Variants in LPP observed in about 807,000 individuals in gnomAD.
LPP encodes the protein lipoma-preferred partner.
In LPP, 38 loss-of-function variants were observed where a neutral mutation model predicts 60.4. That is an observed-to-expected ratio of 0.63 (90% CI 0.49 to 0.83). LPP has a LOEUF of 0.83. Ranked by LOEUF, LPP falls within the 40% of genes least tolerant of loss-of-function variation. The pLI is 0.00. For missense variants in LPP, 902 were observed against 783.6 expected (o/e 1.15, Z -1.80); for synonymous variants, 328 against 290.8 (o/e 1.13, Z -1.30).
At chr3:188,632,914 TTC>T (rs1421462474) in intron 7 of LPP, among the ~76,000 whole-genome samples, 1 of 152,116 alleles carries the variant, frequency 6.6e-6, no homozygotes, top group Non-Finnish European at 1.5e-5. Context: ...CTGGTGGCTC[TTC>T]TCTCTCTCAT....
chr3:188,569,390 G>A (rs565403786), intron 6 of LPP, among the ~76,000 whole-genome samples: 1 of 151,932 alleles, frequency 6.6e-6, no homozygotes, highest in African/African-American at 2.4e-5. Context: ...GCCCTGGATT[G>A]TGAATGAAAA....
intron 2 of LPP, among the ~76,000 whole-genome samples, chr3:188,289,901 G>C (rs74378591): frequency 0.07 from 10,695 of 152,140 alleles, 549 homozygotes; most frequent in Non-Finnish European, 0.11. Context: ...ATATCATAAT[G>C]AGAATAAATT....
intron 1 of LPP, among the ~76,000 whole-genome samples, chr3:188,222,919 A>T (rs919811504): frequency 6.6e-6 from 1 of 150,880 alleles, no homozygotes; most frequent in East Asian, 1.9e-4. Flanking sequence ...ATATTTTCTT[A>T]AAAAAAATAC....
chr3:188,360,605 T>C (rs760489305), intron 3 of LPP, among the ~76,000 whole-genome samples: 3 of 152,098 alleles, frequency 2.0e-5, no homozygotes, highest in Non-Finnish European at 2.9e-5. Flanking sequence ...GATCCTCCCA[T>C]TGAAGCCTTC....
chr3:188,766,000 A>G (rs113554904), intron 9 of LPP, among the ~76,000 whole-genome samples: 45,306 of 149,860 alleles, frequency 0.3, 7,236 homozygotes, highest in South Asian at 0.56. Flanking sequence ...CCTCCTGAGT[A>G]GCTGGGATTA....
intron 5 of LPP, among the ~76,000 whole-genome samples, chr3:188,485,447 T>C (rs1366911246): frequency 6.6e-6 from 1 of 152,080 alleles, no homozygotes; most frequent in African/African-American, 2.4e-5. Context: ...ATAGATACAT[T>C]GAAGAAAAAA....
At chr3:188,792,904 C>T (rs549368786) in intron 9 of LPP, among the ~76,000 whole-genome samples, 1 of 152,166 alleles carries the variant, frequency 6.6e-6, no homozygotes, top group East Asian at 1.9e-4. Flanking sequence ...AGTCTCCTCA[C>T]TGGTTTGCGT....
intron 3 of LPP, among the ~76,000 whole-genome samples, chr3:188,384,074 A>G (rs1246722169): frequency 6.6e-6 from 1 of 152,202 alleles, no homozygotes; most frequent in Non-Finnish European, 1.5e-5. Context: ...CAACATATTG[A>G]AAATGGTACT....
chr3:188,808,502 C>T (rs954896548), intron 9 of LPP, among the ~76,000 whole-genome samples: 1 of 152,008 alleles, frequency 6.6e-6, no homozygotes, highest in Non-Finnish European at 1.5e-5. Flanking sequence ...GCCCTAAGAG[C>T]CACAAGACTC....
At chr3:188,328,538 G>A (rs961993145) in intron 2 of LPP, among the ~76,000 whole-genome samples, 2 of 152,078 alleles carry the variant, frequency 1.3e-5, no homozygotes, top group African/African-American at 2.4e-5. Context: ...TCCTTGAAAC[G>A]ATAAGCTCTC....
chr3:188,640,233 T>C (rs968507451), intron 7 of LPP, among the ~76,000 whole-genome samples: 11 of 150,894 alleles, frequency 7.3e-5, no homozygotes, highest in African/African-American at 2.7e-4. Flanking sequence ...ATGGATGAAA[T>C]TGGAAATCAT....
At chr3:188,406,084 T>C in intron 3 of LPP, 28 bp from the exon 4 acceptor site, 1 of 1,589,386 alleles carries the variant, frequency 6.3e-7, no homozygotes, top group Non-Finnish European at 8.6e-7. Context: ...CATGCTTCCA[T>C]AAAAACAGTG....
At chr3:188,744,336 A>G (rs1475299779) in intron 8 of LPP, among the ~76,000 whole-genome samples, 1 of 152,126 alleles carries the variant, frequency 6.6e-6, no homozygotes, top group Non-Finnish European at 1.5e-5. Flanking sequence ...GCTGTTTCTT[A>G]CCTTTCATTT....
intron 9 of LPP, among the ~76,000 whole-genome samples, chr3:188,864,273 G>A (rs1766029354): frequency 6.6e-6 from 1 of 152,222 alleles, no homozygotes; most frequent in Non-Finnish European, 1.5e-5. Context: ...TTCATCTTGG[G>A]ATGGATTCCA....
At chr3:188,178,933 A>G (rs576593766) in intron 1 of LPP, 1 of 258,914 alleles carries the variant, frequency 3.9e-6, no homozygotes, top group South Asian at 3.9e-5. Flanking sequence ...CTCTGTGGAC[A>G]TGCAGGTATA....
At chr3:188,321,785 A>G (rs116739766) in intron 2 of LPP, among the ~76,000 whole-genome samples, 262 of 152,292 alleles carry the variant, frequency 1.7e-3, no homozygotes, top group Middle Eastern at 6.8e-3. Flanking sequence ...CACGTAGAAG[A>G]TGGTTAACTG....
intron 2 of LPP, among the ~76,000 whole-genome samples, chr3:188,309,792 G>C (rs1480131705): frequency 6.6e-6 from 1 of 152,168 alleles, no homozygotes; most frequent in Non-Finnish European, 1.5e-5. Flanking sequence ...TTCATTTACT[G>C]TAAGTTGAAA....
intron 6 of LPP, among the ~76,000 whole-genome samples, chr3:188,555,575 G>C (rs904357913): frequency 6.6e-6 from 1 of 152,090 alleles, no homozygotes; most frequent in African/African-American, 2.4e-5. Context: ...TGGAATATAA[G>C]AGTAATAGAA....
chr3:188,725,017 A>C (rs1328082517), intron 8 of LPP, among the ~76,000 whole-genome samples: 1 of 152,340 alleles, frequency 6.6e-6, no homozygotes, highest in African/African-American at 2.4e-5. Flanking sequence ...GGCAGTGTCA[A>C]TGTATCTGTG....
Sources: gnomAD v4.1 joint callset for allele counts (sites outside exome capture counted in the v4.1 genomes callset) on GRCh38, gnomAD v4.1.1 for gene constraint, MANE v1.5 for transcripts, NCBI Gene and HGNC (gene_info 2026-07-23, HGNC 2026-07-21) for gene names.